The following PDSS2 variants were observed in gnomAD, a reference collection of about 807,000 sequenced individuals.
PDSS2 encodes the protein all trans-polyprenyl-diphosphate synthase PDSS2.
PDSS2 carries 31 observed loss-of-function variants against 44.5 expected under a neutral mutation model. The observed-to-expected ratio is 0.70, with a 90% CI of 0.52 to 0.94. PDSS2 has a LOEUF of 0.94. PDSS2 is among the 40% of genes least tolerant of loss of function. PDSS2 has a pLI of 0.00. For synonymous variants in PDSS2, 157 were observed against 180.3 expected (o/e 0.87, Z 1.03); for missense variants, 452 against 482.2 (o/e 0.94, Z 0.59).
At chr6:107,206,112 C>T (rs1034997459) in intron 6 of PDSS2, among the ~76,000 whole-genome samples, 5 of 152,236 alleles carry the variant, frequency 3.3e-5, no homozygotes, top group African/African-American at 9.6e-5. Flanking sequence ...CAGTCTGTCA[C>T]CCAGGCTGGA....
intron 1 of PDSS2, among the ~76,000 whole-genome samples, chr6:107,454,055 T>C (rs1781957852): frequency 6.6e-6 from 1 of 151,544 alleles, no homozygotes. Context: ...TTCTTTTTTT[T>C]TTTTTTTTTT....
At chr6:107,430,132 C>G (rs2114749412) in intron 1 of PDSS2, among the ~76,000 whole-genome samples, 1 of 151,942 alleles carries the variant, frequency 6.6e-6, no homozygotes, top group South Asian at 2.1e-4. Flanking sequence ...TTATAACTCA[C>G]ACATCCACTG....
intron 1 of PDSS2, among the ~76,000 whole-genome samples, chr6:107,397,732 T>C (rs1363468325): frequency 6.6e-6 from 1 of 152,220 alleles, no homozygotes; most frequent in African/African-American, 2.4e-5. Flanking sequence ...ACAGTATTTG[T>C]TGCCAAAAAT....
At chr6:107,230,048 A>G (rs1773986584) in intron 4 of PDSS2, 1 of 199,286 alleles carries the variant, frequency 5.0e-6, no homozygotes, top group African/African-American at 2.4e-5. Flanking sequence ...AGCCTGTGTG[A>G]GAAGAAAAAG....
At chr6:107,425,217 T>G (rs1780957102) in intron 1 of PDSS2, among the ~76,000 whole-genome samples, 4 of 152,116 alleles carry the variant, frequency 2.6e-5, no homozygotes, top group African/African-American at 9.7e-5. Flanking sequence ...AGACATACAG[T>G]AAATTGGTAC....
At chr6:107,270,380 G>A (rs1487465310) in intron 3 of PDSS2, among the ~76,000 whole-genome samples, 1 of 151,970 alleles carries the variant, frequency 6.6e-6, no homozygotes. Context: ...CGAAAGTGCT[G>A]GGATTACAGG....
intron 1 of PDSS2, among the ~76,000 whole-genome samples, chr6:107,388,436 T>C (rs951361745): frequency 1.3e-4 from 20 of 151,430 alleles, no homozygotes; most frequent in Admixed American, 1.3e-4. Flanking sequence ...CATGTAAAAA[T>C]GTGCATGTGA....
intron 2 of PDSS2, among the ~76,000 whole-genome samples, chr6:107,289,009 C>T (rs1304058251): frequency 1.3e-5 from 2 of 149,964 alleles, no homozygotes; most frequent in Non-Finnish European, 3.0e-5. Context: ...TCAGGTGATC[C>T]GCCCACCTCG....
At chr6:107,182,846 A>C (rs1362643720) in intron 7 of PDSS2, among the ~76,000 whole-genome samples, 5 of 152,190 alleles carry the variant, frequency 3.3e-5, no homozygotes, top group Non-Finnish European at 5.9e-5. Context: ...AGGTGTCTGA[A>C]ATGTAGTTGC....
At chr6:107,247,319 A>G (rs929235332) in intron 3 of PDSS2, among the ~76,000 whole-genome samples, 1 of 152,256 alleles carries the variant, frequency 6.6e-6, no homozygotes, top group African/African-American at 2.4e-5. Flanking sequence ...TGAACTTTTA[A>G]CAGTGGATCT....
chr6:107,269,723 G>A (rs1040851525), intron 3 of PDSS2, among the ~76,000 whole-genome samples: 6 of 152,234 alleles, frequency 3.9e-5, no homozygotes, highest in African/African-American at 9.6e-5. Flanking sequence ...GTACAGTGGC[G>A]TGATCTGGGC....
Position 107,459,499 on chromosome 6 carries a change from G to C in PDSS2, c.-214C>G. On this transcript the variant is annotated 5_prime_UTR_variant, in exon 1 of 8. Transcript: ENST00000369037. This position sits in a 1 kb window ranked among gnomAD's most constrained non-coding sequence, Gnocchi z 4.3. ...CAAACAACAGTCCCAGCTCAGCACT[G>C]CCCCCGGCCACCCGGGGTAGAAACC... 1.7e-6 allele frequency: 1 copy of C among 584,742 alleles called. No homozygotes were observed. Among genetic ancestry groups the C allele is most frequent in the Non-Finnish European group, 3.0e-6 (1 of 328,846 alleles). The allele number at this position is 584,742 out of a possible 1,614,324, so 36.2% of individuals were successfully genotyped here.
rs139956435 is a variant in PDSS2, at chr6:107,326,670, G to A, written c.431+7528C>T. ...AGTTCAATACCACCCTGGCCAACAC[G>A]GTGAAACCCTGTCTCTACTAAAAAT... On this transcript the variant is annotated intron_variant, in intron 2 of 7. Transcript: ENST00000369037. Among the ~76,000 whole-genome samples, 383 of 151,782 alleles carry A rather than the reference G, an allele frequency of 2.5e-3. 2 individuals are homozygous for A. Among genetic ancestry groups the A allele is most frequent in the African/African-American group, 8.1e-3 (336 of 41,432 alleles).
At chr6:107,342,555 A>C (rs1778114016) in intron 1 of PDSS2, among the ~76,000 whole-genome samples, 3 of 152,152 alleles carry the variant, frequency 2.0e-5, no homozygotes, top group African/African-American at 7.2e-5. Context: ...TCAACATATT[A>C]ATTATATATT....
chr6:107,225,164 T>TATATATATATATA (rs1289535741), intron 4 of PDSS2, among the ~76,000 whole-genome samples: 8 of 42,974 alleles, frequency 1.9e-4, no homozygotes, highest in South Asian at 7.0e-4. Context: ...TATATATATT[T>TATATATATATATA]TTTTTTTTTT....
intron 1 of PDSS2, among the ~76,000 whole-genome samples, chr6:107,379,446 C>G (rs371756004): frequency 1.7e-4 from 26 of 152,272 alleles, no homozygotes; most frequent in African/African-American, 4.8e-4. Context: ...TAGGCCTTCT[C>G]AAAAATCTAT....
At chr6:107,207,605 T>C (rs1464396823) in intron 6 of PDSS2, among the ~76,000 whole-genome samples, 1 of 141,924 alleles carries the variant, frequency 7.0e-6, no homozygotes, top group Non-Finnish European at 1.5e-5. Flanking sequence ...CTCAGTAAAG[T>C]GTCTTTTTTT....
chr6:107,455,296 A>T (rs1782001002), intron 1 of PDSS2, among the ~76,000 whole-genome samples: 1 of 150,570 alleles, frequency 6.6e-6, no homozygotes, highest in African/African-American at 2.5e-5. Context: ...TAGACGAACT[A>T]CGGTTCTCAG....
At chr6:107,278,154 A>C (rs996518665) in intron 2 of PDSS2, among the ~76,000 whole-genome samples, 1 of 152,100 alleles carries the variant, frequency 6.6e-6, no homozygotes, top group African/African-American at 2.4e-5. Flanking sequence ...CCTTTGTTAA[A>C]AAAATTAAGA....
Sources: gnomAD v4.1 joint callset for allele counts (sites outside exome capture counted in the v4.1 genomes callset) on GRCh38, gnomAD v4.1.1 for gene constraint, Gnocchi (gnomAD v3.1) non-coding constraint, MANE v1.5 for transcripts, NCBI Gene and HGNC (gene_info 2026-07-23, HGNC 2026-07-21) for gene names.